CIROZ: variants seen among roughly 807,000 people sequenced by gnomAD.
CIROZ encodes the protein ciliated left-right organizer ZP-N domains-containing protein.
At chr1:10,958,793 G>A in the CIROZ span, 1 of 1,604,034 alleles carries the variant, frequency 6.2e-7, no homozygotes, top group Non-Finnish European at 8.5e-7. Flanking sequence ...TGCAAGCGGT[G>A]AGCAAAGGTG....
At chr1:10,969,291 T>C in the CIROZ span, among the ~76,000 whole-genome samples, 2 of 151,982 alleles carry the variant, frequency 1.3e-5, no homozygotes, top group Non-Finnish European at 2.9e-5. Context: ...TGCTCCTCTC[T>C]CTACTCGTGT....
At chr1:10,949,745 G>C in the CIROZ span, 1 of 1,587,604 alleles carries the variant, frequency 6.3e-7, no homozygotes, top group Non-Finnish European at 8.6e-7. Flanking sequence ...AGGGGTCTCT[G>C]GTCCTGGGGA....
chr1:10,948,776 G>A, the CIROZ span: 7 of 1,522,392 alleles, frequency 4.6e-6, no homozygotes, highest in South Asian at 7.9e-5. Flanking sequence ...CCACTCTGGG[G>A]AGAATGGAGG....
chr1:10,977,343 C>T, the CIROZ span, among the ~76,000 whole-genome samples: 1 of 151,284 alleles, frequency 6.6e-6, no homozygotes, highest in Admixed American at 6.6e-5. Flanking sequence ...ATTCCCCGGG[C>T]GTGGTGGCGT....
At chr1:10,963,303 C>T in the CIROZ span, among the ~76,000 whole-genome samples, 2 of 152,148 alleles carry the variant, frequency 1.3e-5, no homozygotes, top group African/African-American at 2.4e-5. Flanking sequence ...GCAGGAGAAT[C>T]GCTTGAACCC....
chr1:10,960,269 T>C, the CIROZ span, among the ~76,000 whole-genome samples: 2 of 151,984 alleles, frequency 1.3e-5, no homozygotes, highest in Non-Finnish European at 2.9e-5. The surrounding 1 kb of genome is among the most constrained non-coding windows in gnomAD (Gnocchi z 4.6). Flanking sequence ...CCAGGAGTGG[T>C]GGCAGGCGCC....
the CIROZ span, among the ~76,000 whole-genome samples, chr1:10,981,275 C>A: frequency 2.1e-4 from 32 of 152,042 alleles, no homozygotes; most frequent in African/African-American, 7.5e-4. Context: ...ACAGTAAGAC[C>A]CTGTCTCTAC....
the CIROZ span, among the ~76,000 whole-genome samples, chr1:10,979,264 G>A: frequency 6.6e-6 from 1 of 152,096 alleles, no homozygotes; most frequent in African/African-American, 2.4e-5. Flanking sequence ...AAAATGCTGG[G>A]ATTACAGGTG....
chr1:10,963,108 G>A, the CIROZ span, among the ~76,000 whole-genome samples: 1 of 152,038 alleles, frequency 6.6e-6, no homozygotes, highest in African/African-American at 2.4e-5. Context: ...AAAAAAACAG[G>A]CCGGGTGCAG....
At chr1:10,959,975 A>T in the CIROZ span, among the ~76,000 whole-genome samples, 1 of 152,154 alleles carries the variant, frequency 6.6e-6, no homozygotes, top group Non-Finnish European at 1.5e-5. The surrounding 1 kb of genome is among the most constrained non-coding windows in gnomAD (Gnocchi z 4.3). Context: ...CAATTCCTCA[A>T]CAACACCACC....
the CIROZ span, chr1:10,964,067 T>C: frequency 6.3e-7 from 1 of 1,591,958 alleles, no homozygotes; most frequent in African/African-American, 1.3e-5. Context: ...CCTTGGCCTT[T>C]AGAGAGAAGC....
the CIROZ span, among the ~76,000 whole-genome samples, chr1:10,951,050 C>A: frequency 1.3e-5 from 2 of 152,140 alleles, no homozygotes; most frequent in African/African-American, 4.8e-5. Flanking sequence ...CATGCCCAGG[C>A]CCTGGGTGTT....
At chr1:10,954,164 G>T in the CIROZ span, 786 of 1,606,616 alleles carry the variant, frequency 4.9e-4, 1 homozygote, top group African/African-American at 9.1e-3. Context: ...CAAGAAATTA[G>T]TTGCACATTG....
chr1:10,977,207 A>G, the CIROZ span, among the ~76,000 whole-genome samples: 1 of 151,944 alleles, frequency 6.6e-6, no homozygotes, highest in Admixed American at 6.6e-5. Flanking sequence ...AAAGATTTTA[A>G]ATGATGAATC....
At chr1:10,954,462 AAAAAAG>A in the CIROZ span, among the ~76,000 whole-genome samples, 1 of 133,054 alleles carries the variant, frequency 7.5e-6, no homozygotes, top group Non-Finnish European at 1.6e-5. Context: ...TCAAAAAAAA[AAAAAAG>A]AAAAGAAAAG....
At chr1:10,958,926 C>T in the CIROZ span, among the ~76,000 whole-genome samples, 5 of 152,062 alleles carry the variant, frequency 3.3e-5, no homozygotes, top group Admixed American at 6.6e-5. Context: ...TTCTGGGACT[C>T]GAGTGTCAAC....
the CIROZ span, among the ~76,000 whole-genome samples, chr1:10,952,166 A>G: frequency 6.6e-6 from 1 of 152,156 alleles, no homozygotes; most frequent in East Asian, 1.9e-4. Context: ...AGACAGGAGC[A>G]TGCACCATAA....
the CIROZ span, chr1:10,947,688 C>T: frequency 4.0e-6 from 6 of 1,516,312 alleles, no homozygotes; most frequent in Non-Finnish European, 3.5e-6. Flanking sequence ...CTCAGAAAGC[C>T]CCTCCACACT....
At chr1:10,948,248 C>T in the CIROZ span, 1 of 1,613,946 alleles carries the variant, frequency 6.2e-7, no homozygotes, top group African/African-American at 1.3e-5. Flanking sequence ...GGAGACCAGG[C>T]CCTGTCTGGC....
Sources: allele counts gnomAD v4.1 joint callset (sites outside exome capture counted in the v4.1 genomes callset), GRCh38; gene constraint gnomAD v4.1.1; non-coding constraint Gnocchi (gnomAD v3.1); transcripts MANE v1.5; gene names NCBI Gene and HGNC (gene_info 2026-07-23, HGNC 2026-07-21).